The following ABCB5 variants were observed in gnomAD, a reference collection of about 807,000 sequenced individuals.
The protein encoded by ABCB5 is ATP binding cassette subfamily B member 5.
In ABCB5, 155 loss-of-function variants were observed where a neutral mutation model predicts 144.2. That is an observed-to-expected ratio of 1.08 (90% CI 0.94 to 1.23). The LOEUF is 1.23. Among genes scored for constraint, ABCB5 ranks in the 50% most tolerant of loss-of-function variants. The pLI is 0.00. For synonymous variants in ABCB5, 610 were observed against 528.6 expected (o/e 1.15, Z -2.11); for missense variants, 1,830 against 1,520.8 (o/e 1.20, Z -3.38).
At chr7:20,694,526 C>G (rs368134480) in intron 16 of ABCB5, among the ~76,000 whole-genome samples, 18 of 151,934 alleles carry the variant, frequency 1.2e-4, no homozygotes, top group South Asian at 4.1e-4. Flanking sequence ...TGGTGAAAGA[C>G]TAAGATCGAG....
intron 20 of ABCB5, 112 bp from the exon 21 acceptor site, chr7:20,722,904 G>T: frequency 1.3e-6 from 1 of 776,674 alleles, no homozygotes; most frequent in Non-Finnish European, 2.1e-6. Flanking sequence ...ATAAATTTAA[G>T]TATAAATTCT....
chr7:20,647,784 C>A, intron 10 of ABCB5, 136 bp downstream of exon 10: 1 of 1,363,184 alleles, frequency 7.3e-7, no homozygotes. Flanking sequence ...GAAAGAGAGA[C>A]TGCCTTTAAT....
chr7:20,723,576 C>A (rs1303067610), intron 21 of ABCB5, among the ~76,000 whole-genome samples: 1 of 152,154 alleles, frequency 6.6e-6, no homozygotes, highest in Non-Finnish European at 1.5e-5. Context: ...TATTCACTTA[C>A]AAATTTTTGT....
At chr7:20,683,268 G>C (rs1052321966) in intron 15 of ABCB5, among the ~76,000 whole-genome samples, 1 of 152,054 alleles carries the variant, frequency 6.6e-6, no homozygotes, top group Non-Finnish European at 1.5e-5. Context: ...TTTATTAATT[G>C]AAAAACTGTC....
At chr7:20,736,498 G>GAACC (rs1782383425) in intron 23 of ABCB5, among the ~76,000 whole-genome samples, 1 of 152,154 alleles carries the variant, frequency 6.6e-6, no homozygotes, top group African/African-American at 2.4e-5. Flanking sequence ...TTACAGGCAT[G>GAACC]AACCACTGCA....
chr7:20,626,643 T>C (rs756453071), intron 3 of ABCB5, 32 bp downstream of exon 3: 1 of 1,557,138 alleles, frequency 6.4e-7, no homozygotes, highest in Admixed American at 1.9e-5. Flanking sequence ...GTACATGCAT[T>C]AGAAGATTTT....
chr7:20,668,599 GGGT>G (rs1785315756), intron 14 of ABCB5, among the ~76,000 whole-genome samples: 1 of 146,054 alleles, frequency 6.8e-6, no homozygotes, highest in African/African-American at 2.6e-5. Context: ...GTGGGGGGGG[GGGT>G]CAGCCCCCCG....
chr7:20,626,514 T>A, intron 2 of ABCB5, 43 bp from the exon 3 acceptor site: 1 of 1,560,176 alleles, frequency 6.4e-7, no homozygotes, highest in Non-Finnish European at 8.7e-7. Flanking sequence ...TTGCAAATTA[T>A]ATTCACATTG....
At chr7:20,751,184 C>G (rs1232773347) in intron 26 of ABCB5, among the ~76,000 whole-genome samples, 1 of 152,178 alleles carries the variant, frequency 6.6e-6, no homozygotes. Flanking sequence ...GATTTCGGGG[C>G]ACTCACCATC....
intron 14 of ABCB5, among the ~76,000 whole-genome samples, chr7:20,674,829 A>G (rs888463837): frequency 1.3e-5 from 2 of 151,874 alleles, no homozygotes; most frequent in South Asian, 4.2e-4. Flanking sequence ...TGCAGGATAT[A>G]AAATCAACAT....
At chr7:20,684,875 C>A (rs865807404) in intron 15 of ABCB5, among the ~76,000 whole-genome samples, 1 of 152,290 alleles carries the variant, frequency 6.6e-6, no homozygotes, top group African/African-American at 2.4e-5. Flanking sequence ...CATCTCTTCC[C>A]CACGTTGGCC....
chr7:20,739,329 C>A (rs1782489985), intron 24 of ABCB5, among the ~76,000 whole-genome samples, 190 bp downstream of exon 24: 1 of 151,914 alleles, frequency 6.6e-6, no homozygotes, highest in Admixed American at 6.6e-5. Flanking sequence ...AGACAACAAA[C>A]CTGCGCATAT....
chr7:20,665,766 GAGATACATACATACATAC>G (rs1785165463), intron 14 of ABCB5, among the ~76,000 whole-genome samples: 1 of 131,318 alleles, frequency 7.6e-6, no homozygotes, highest in Non-Finnish European at 1.6e-5. Flanking sequence ...TAGATAGATA[GAGATACATACATACATAC>G]ATACATACAT....
intron 24 of ABCB5, among the ~76,000 whole-genome samples, chr7:20,741,917 T>TA (rs1417374655): frequency 6.6e-6 from 1 of 152,134 alleles, no homozygotes; most frequent in Non-Finnish European, 1.5e-5. Flanking sequence ...ACCAAATATA[T>TA]AAAGGGAAAG....
intron 14 of ABCB5, among the ~76,000 whole-genome samples, chr7:20,677,590 G>T (rs1194294610): frequency 6.6e-6 from 1 of 152,098 alleles, no homozygotes; most frequent in African/African-American, 2.4e-5. Flanking sequence ...TTAACCGGGT[G>T]TGGTGGTGCA....
At chr7:20,694,176 A>T (rs1286683581) in intron 16 of ABCB5, among the ~76,000 whole-genome samples, 1 of 151,942 alleles carries the variant, frequency 6.6e-6, no homozygotes, top group Non-Finnish European at 1.5e-5. Context: ...TTACAAAAAA[A>T]ATAAAATTAT....
chr7:20,643,260 A>T lies in ABCB5; in HGVS notation c.391A>T (p.Thr131Ser). 6.2e-7 allele frequency: 1 copy of T among 1,613,842 alleles called. No individual in the cohort carries two copies. ...GYIQISLWIITAARQTKRIRK... is the reference protein window; with the variant it reads ...GYIQISLWIISAARQTKRIRK... ...CATACAGATTTCCTTGTGGATTATA[A>T]CTGCAGCACGACAGACCAAGAGGAT... The change falls in exon 6 of 28, where the codon ACT (threonine) becomes TCT (serine). Residue 131 changes from threonine to serine, a missense_variant. Thr to Ser is a moderately conservative substitution (Grantham distance 58). Transcript: ENST00000404938.
chr7:20,742,562 T>G (rs1183690018), intron 24 of ABCB5, among the ~76,000 whole-genome samples: 2 of 152,184 alleles, frequency 1.3e-5, no homozygotes, highest in Non-Finnish European at 2.9e-5. Context: ...AAAAACGTAT[T>G]ACCCAGATAA....
chr7:20,754,828 T>C (rs867988734), intron 27 of ABCB5, among the ~76,000 whole-genome samples: 1 of 152,256 alleles, frequency 6.6e-6, no homozygotes. Flanking sequence ...TAATTCTACT[T>C]AGAAATACTA....
Sources: allele counts gnomAD v4.1 joint callset (sites outside exome capture counted in the v4.1 genomes callset), GRCh38; gene constraint gnomAD v4.1.1; transcripts MANE v1.5; gene names NCBI Gene and HGNC (gene_info 2026-07-23, HGNC 2026-07-21).